Variants in ZNF713 observed in about 807,000 individuals in gnomAD.
ZNF713 encodes zinc finger protein 713.
In ZNF713, 21 loss-of-function variants were observed where a neutral mutation model predicts 28.7. The observed-to-expected ratio is 0.73, with a 90% confidence interval of 0.52 to 1.05. ZNF713 has a LOEUF of 1.05. Ranked by LOEUF, ZNF713 falls within the 50% of genes least tolerant of loss-of-function variation. ZNF713 has a pLI of 0.00. For synonymous variants in ZNF713, 167 were observed against 178.0 expected, an observed-to-expected ratio of 0.94 and a Z score of 0.49; for missense variants, 458 against 532.4, an observed-to-expected ratio of 0.86 and a Z score of 1.37.
At chr7:55,931,181 G>A (rs532998578) in intron 6 of ZNF713, among the ~76,000 whole-genome samples, 55 of 152,094 alleles carry the variant, frequency 3.6e-4, no homozygotes, top group African/African-American at 1.3e-3. Flanking sequence ...AGCTACTCGG[G>A]AGGCTGAGGC....
rs1786457568 is a variant in ZNF713 at position 55,940,950 on chromosome 7, G to A, written c.*944G>A. On this transcript the variant is annotated 3_prime_UTR_variant, in exon 7 of 7. Transcript: ENST00000429591. ...TCTGCTTCAGCCTCCCGAGTAGCTG[G>A]GACTACAGGTGCGTACCACCACGCC... 1 of 148,432 alleles carries A rather than the reference G, an allele frequency of 6.7e-6. No individual in the cohort carries two copies. The highest frequency in any genetic ancestry group is 1.5e-5 in the Non-Finnish European group (1 of 67,092). 9.2% of individuals were successfully genotyped at this position (148,432 alleles called of 1,614,324 possible). A position where few individuals can be genotyped will look rare whatever the true frequency, so the allele number is the denominator to read the frequency against.
At chr7:55,923,930 G>A in intron 6 of ZNF713, 1 of 319,562 alleles carries the variant, frequency 3.1e-6, no homozygotes, top group Admixed American at 4.1e-5. Flanking sequence ...CAAACCAAAG[G>A]TTATTTTGAA....
At chr7:55,918,467 C>T (rs1256080793) in intron 4 of ZNF713, among the ~76,000 whole-genome samples, 1 of 152,088 alleles carries the variant, frequency 6.6e-6, no homozygotes, top group African/African-American at 2.4e-5. Context: ...GATTTTAGTA[C>T]CTGAAAGTGG....
intron 4 of ZNF713, among the ~76,000 whole-genome samples, chr7:55,913,886 C>A (rs547581014): frequency 6.6e-6 from 1 of 152,142 alleles, no homozygotes; most frequent in African/African-American, 2.4e-5. Context: ...CTGAGGTGGG[C>A]AGATCACAAG....
intron 6 of ZNF713, among the ~76,000 whole-genome samples, chr7:55,935,582 A>G (rs985622614): frequency 1.3e-5 from 2 of 152,064 alleles, no homozygotes; most frequent in Non-Finnish European, 2.9e-5. Flanking sequence ...AGGTGTAGGA[A>G]CCCTCACCCA....
chr7:55,941,275 G>GT lies in ZNF713; in HGVS notation c.*1270dup, dbSNP rs1786465946. On this transcript the variant is annotated 3_prime_UTR_variant, in exon 7 of 7. Coordinates refer to ENST00000429591, the MANE Select transcript of ZNF713 (RefSeq NM_182633.3). The stretch of plus-strand genomic sequence containing the variant: ...GTTTGAGACCAGCCTGGCCAACATG[G>GT]TAAAACCCCATCTCTACTAAAAATA... 6.6e-6 allele frequency: 1 copy of GT among 151,610 alleles called. No homozygotes were observed. Among genetic ancestry groups the GT allele is most frequent in the African/African-American group, 2.4e-5 (1 of 41,338 alleles). The allele number at this position is 151,610 out of a possible 1,614,324, so 9.4% of individuals were successfully genotyped here.
chr7:55,934,241 C>A (rs1051520697), intron 6 of ZNF713, among the ~76,000 whole-genome samples: 1 of 151,932 alleles, frequency 6.6e-6, no homozygotes, highest in East Asian at 1.9e-4. Context: ...GTTCTCGCTC[C>A]AGAAAAAAAT....
chr7:55,921,876 C>G (rs896799288), intron 4 of ZNF713, among the ~76,000 whole-genome samples: 8 of 152,230 alleles, frequency 5.3e-5, no homozygotes, highest in African/African-American at 1.4e-4. Context: ...ACAGAGAACT[C>G]TTCCGTAAAA....
At chr7:55,903,300 T>C (rs1450466593) in intron 1 of ZNF713, among the ~76,000 whole-genome samples, 1 of 151,942 alleles carries the variant, frequency 6.6e-6, no homozygotes, top group African/African-American at 2.4e-5. Flanking sequence ...CCTACCGTCA[T>C]GGAGATTAAC....
At chr7:55,937,368 A>C (rs976496165) in intron 6 of ZNF713, among the ~76,000 whole-genome samples, 11 of 152,242 alleles carry the variant, frequency 7.2e-5, no homozygotes, top group Middle Eastern at 6.8e-3. Flanking sequence ...AGGGGCGAGC[A>C]GGGAAGTAGT....
chr7:55,893,071 G>A (rs935229507), intron 1 of ZNF713, among the ~76,000 whole-genome samples: 2 of 151,708 alleles, frequency 1.3e-5, no homozygotes, highest in African/African-American at 4.8e-5. Context: ...TTTTAGTAGA[G>A]ACGGGGTTTC....
At chr7:55,898,650 A>G (rs1013131968) in intron 1 of ZNF713, among the ~76,000 whole-genome samples, 2 of 152,204 alleles carry the variant, frequency 1.3e-5, no homozygotes, top group African/African-American at 4.8e-5. Context: ...TCAACATGAA[A>G]TTTCAGTAGG....
intron 4 of ZNF713, among the ~76,000 whole-genome samples, chr7:55,915,506 A>C (rs1005920825): frequency 2.0e-5 from 3 of 152,236 alleles, no homozygotes; most frequent in Non-Finnish European, 4.4e-5. Context: ...GATGTGTTTT[A>C]AACAAAATGA....
intron 2 of ZNF713, among the ~76,000 whole-genome samples, chr7:55,908,492 G>A (rs1785726661): frequency 6.6e-6 from 1 of 152,088 alleles, no homozygotes; most frequent in East Asian, 1.9e-4. Flanking sequence ...ACTGGTGTGA[G>A]ATGGTATCTC....
At chr7:55,930,259 A>G (rs928991783) in intron 6 of ZNF713, among the ~76,000 whole-genome samples, 3 of 152,126 alleles carry the variant, frequency 2.0e-5, no homozygotes, top group African/African-American at 4.8e-5. Flanking sequence ...CACAAATTAT[A>G]TTTTCTTGCC....
At chr7:55,907,208 A>G (rs1354858940) in intron 2 of ZNF713, among the ~76,000 whole-genome samples, 2 of 152,166 alleles carry the variant, frequency 1.3e-5, no homozygotes, top group East Asian at 1.9e-4. Context: ...AAGCTTTTGT[A>G]GAAGGAGCAC....
intron 1 of ZNF713, among the ~76,000 whole-genome samples, chr7:55,897,403 C>T (rs111308650): frequency 0.041 from 6,182 of 152,062 alleles, 154 homozygotes; most frequent in Admixed American, 0.058. Flanking sequence ...CCTCAGCCTC[C>T]CGAATAGCTG....
In ZNF713 at chr7:55,918,298, G is replaced by T. The variant is rs1785926243; in HGVS notation, c.88-4864G>T. On this transcript the variant is annotated intron_variant, in intron 4 of 6. Transcript: ENST00000429591. ...AAGCCAGTACCAATTTGCCAGCCTTGTGAGTAAGCCATCTTGAAAGTGAAT... is the reference window on the plus strand; with the variant it reads ...AAGCCAGTACCAATTTGCCAGCCTTTTGAGTAAGCCATCTTGAAAGTGAAT... The T allele has an allele frequency of 1.9e-5, 5 of 261,914 alleles. No individual in the cohort carries two copies. In the South Asian group the frequency reaches 1.9e-4, roughly 10 times the overall value. 16.2% of individuals were successfully genotyped at this position (261,914 alleles called of 1,614,324 possible).
At chr7:55,894,136 CTCAACATAA>C (rs1408473215) in intron 1 of ZNF713, among the ~76,000 whole-genome samples, 3 of 152,216 alleles carry the variant, frequency 2.0e-5, no homozygotes, top group African/African-American at 7.2e-5. Flanking sequence ...GCCTGCAGTT[CTCAACATAA>C]CAGGGTCCCT....
Sources: gnomAD v4.1 joint callset for allele counts (sites outside exome capture counted in the v4.1 genomes callset) on GRCh38, gnomAD v4.1.1 for gene constraint, MANE v1.5 for transcripts, NCBI Gene and HGNC (gene_info 2026-07-23, HGNC 2026-07-21) for gene names.